Variants in RARB observed in about 807,000 individuals in gnomAD.
The protein encoded by RARB is HBV-activated protein.
A neutral mutation model predicts 51.9 loss-of-function variants in RARB; 17 were observed. That is an observed-to-expected ratio of 0.33 (90% CI 0.22 to 0.49). The LOEUF is 0.49. Ranked by LOEUF, RARB falls within the 20% of genes least tolerant of loss-of-function variation. The pLI, the probability that RARB is intolerant of heterozygous loss-of-function variation, is 0.99. For missense variants in RARB, 369 were observed against 550.8 expected (o/e 0.67, Z 3.30); for synonymous variants, 215 against 195.4 (o/e 1.10, Z -0.84).
chr3:25,065,889 T>C (rs551212619), intron 3 of RARB, among the ~76,000 whole-genome samples: 2 of 152,276 alleles, frequency 1.3e-5, no homozygotes, highest in Admixed American at 6.5e-5. Context: ...TTGATGACTT[T>C]TGTGGTTGTT....
intron 2 of RARB, among the ~76,000 whole-genome samples, chr3:24,862,040 A>G (rs1702758056): frequency 6.6e-6 from 1 of 152,338 alleles, no homozygotes; most frequent in Admixed American, 6.5e-5. Context: ...TGGTTATCAA[A>G]TGACCACCTT....
At chr3:25,175,656 G>A (rs545680089) in intron 5 of RARB, among the ~76,000 whole-genome samples, 5 of 152,330 alleles carry the variant, frequency 3.3e-5, no homozygotes, top group African/African-American at 1.2e-4. Flanking sequence ...CAGACTGACA[G>A]ATAGGCAAAC....
intron 2 of RARB, among the ~76,000 whole-genome samples, chr3:25,481,343 A>C (rs1237157987): frequency 6.6e-6 from 1 of 152,204 alleles, no homozygotes; most frequent in Non-Finnish European, 1.5e-5. Flanking sequence ...GCAGTTTGCA[A>C]CCTCTGCCTT....
chr3:25,491,189 G>A (rs534369869), intron 2 of RARB, among the ~76,000 whole-genome samples: 17 of 152,204 alleles, frequency 1.1e-4, no homozygotes, highest in South Asian at 6.2e-4. Context: ...GAAACCGTGC[G>A]TAGATATGTG....
intron 5 of RARB, among the ~76,000 whole-genome samples, chr3:25,413,970 C>T (rs1273426224): frequency 6.6e-6 from 1 of 152,148 alleles, no homozygotes; most frequent in African/African-American, 2.4e-5. Context: ...GCACGTATAC[C>T]TGTGAAACCA....
chr3:25,119,974 A>G (rs1699753386), intron 3 of RARB, among the ~76,000 whole-genome samples: 1 of 152,156 alleles, frequency 6.6e-6, no homozygotes, highest in Non-Finnish European at 1.5e-5. Flanking sequence ...TATAGAGCAC[A>G]AGGAGAGTTT....
At position 25,211,594 on chromosome 3, in the gene RARB, C is replaced by T. The variant is rs74528542; in HGVS notation, c.178+37019C>T. ...TGGAGCAGCTGCCTGGTTCAACTCCCCATGATTCAAATCTGAAATTCAAAA... is the reference window on the plus strand; with the variant it reads ...TGGAGCAGCTGCCTGGTTCAACTCCTCATGATTCAAATCTGAAATTCAAAA... On this transcript the variant is annotated intron_variant, in intron 5 of 11. Transcript: ENST00000383772. Among the ~76,000 whole-genome samples the T allele has an allele frequency of 5.6e-3, 851 of 152,210 alleles. 15 individuals carry two copies. The highest frequency in any genetic ancestry group is 0.046 in the South Asian group (223 of 4,826).
intron 5 of RARB, among the ~76,000 whole-genome samples, chr3:25,215,374 C>A (rs996050646): frequency 1.3e-5 from 2 of 152,112 alleles, no homozygotes; most frequent in Non-Finnish European, 2.9e-5. Flanking sequence ...GACTGTTGTA[C>A]CTGTGACACA....
intron 5 of RARB, among the ~76,000 whole-genome samples, chr3:25,294,401 G>A (rs1407609901): frequency 1.3e-5 from 2 of 152,244 alleles, no homozygotes; most frequent in East Asian, 3.9e-4. Flanking sequence ...ATCCAATAAG[G>A]AAAAATAAAT....
chr3:25,358,700 T>A (rs1705829258), intron 5 of RARB, among the ~76,000 whole-genome samples: 1 of 152,238 alleles, frequency 6.6e-6, no homozygotes, highest in Non-Finnish European at 1.5e-5. Flanking sequence ...GGTTGTTGAA[T>A]TTTATTGAAG....
chr3:25,544,266 G>A (rs1166545046), intron 3 of RARB, among the ~76,000 whole-genome samples: 1 of 152,140 alleles, frequency 6.6e-6, no homozygotes, highest in Non-Finnish European at 1.5e-5. Flanking sequence ...GGCTTATTTT[G>A]AGGACATAGA....
intron 5 of RARB, among the ~76,000 whole-genome samples, chr3:25,208,731 G>T (rs1158759869): frequency 1.3e-5 from 2 of 151,944 alleles, no homozygotes; most frequent in Non-Finnish European, 2.9e-5. Context: ...CTTTCTTAAA[G>T]CAATGAGATC....
chr3:25,179,902 C>G (rs191403232), intron 5 of RARB, among the ~76,000 whole-genome samples: 159 of 152,276 alleles, frequency 1.0e-3, no homozygotes, highest in Non-Finnish European at 1.0e-3. Flanking sequence ...AAAGTAATGG[C>G]AAGAACCACA....
intron 4 of RARB, among the ~76,000 whole-genome samples, chr3:25,132,869 T>C (rs1699974992): frequency 6.6e-6 from 1 of 151,872 alleles, no homozygotes; most frequent in Non-Finnish European, 1.5e-5. Context: ...AAAATAAAAC[T>C]TTAAAACATT....
intron 2 of RARB, among the ~76,000 whole-genome samples, chr3:24,984,195 C>G (rs1696737933): frequency 6.6e-6 from 1 of 152,180 alleles, no homozygotes; most frequent in Non-Finnish European, 1.5e-5. Flanking sequence ...TGAAGGTGTT[C>G]ATCACAGCGC....
At chr3:25,564,334 T>C (rs527412540) in intron 3 of RARB, among the ~76,000 whole-genome samples, 35 of 152,214 alleles carry the variant, frequency 2.3e-4, no homozygotes, top group Admixed American at 6.5e-4. Context: ...AGGAGAATAC[T>C]TGATATTTTA....
chr3:25,211,579 G>T lies in RARB; in HGVS notation c.178+37004G>T, dbSNP rs114306517. Among the ~76,000 whole-genome samples the T allele has an allele frequency of 6.3e-3, 960 of 152,274 alleles. 11 individuals are homozygous for T. Among genetic ancestry groups the T allele is most frequent in the African/African-American group, 0.021 (890 of 41,524 alleles). ...TCCAGCATCAAGGGATGGAGCAGCT[G>T]CCTGGTTCAACTCCCCATGATTCAA... is the stretch of plus-strand genomic sequence containing the variant. On this transcript the variant is annotated intron_variant, in intron 5 of 11. Coordinates refer to the RARB transcript ENST00000383772.
intron 5 of RARB, among the ~76,000 whole-genome samples, chr3:25,235,057 G>C (rs1028747959): frequency 1.3e-5 from 2 of 152,154 alleles, no homozygotes; most frequent in African/African-American, 4.8e-5. Context: ...AGAAATAGGA[G>C]TTTCTATCAG....
intron 1 of RARB, among the ~76,000 whole-genome samples, chr3:25,439,442 G>C (rs974400576): frequency 6.6e-6 from 1 of 152,122 alleles, no homozygotes; most frequent in African/African-American, 2.4e-5. Context: ...GTCTCGCTCT[G>C]TTGCCCAGGC....
Sources: gnomAD v4.1 joint callset for allele counts (sites outside exome capture counted in the v4.1 genomes callset) on GRCh38, gnomAD v4.1.1 for gene constraint, MANE v1.5 for transcripts, NCBI Gene and HGNC (gene_info 2026-07-23, HGNC 2026-07-21) for gene names.